The following GALNT13 variants were observed in gnomAD, a reference collection of about 807,000 sequenced individuals.
GALNT13 encodes the protein UDP-GalNAc:polypeptide N-acetylgalactosaminyltransferase 13.
In GALNT13, 28 loss-of-function variants were observed where a neutral mutation model predicts 64.2. The observed-to-expected ratio is 0.44, with a 90% CI of 0.32 to 0.60. GALNT13 has a LOEUF of 0.60. Among genes scored for constraint, GALNT13 ranks in the 20% least tolerant of loss-of-function variants. The pLI, the probability that GALNT13 is intolerant of heterozygous loss-of-function variation, is 0.05. For synonymous variants in GALNT13, 214 were observed against 224.6 expected (o/e 0.95, Z 0.42); for missense variants, 577 against 669.8 (o/e 0.86, Z 1.53).
chr2:153,698,699 G>A, the GALNT13 span, among the ~76,000 whole-genome samples: 1 of 152,052 alleles, frequency 6.6e-6, no homozygotes, highest in African/African-American at 2.4e-5. Context: ...AATTAACAAG[G>A]GTATTCAAGA....
At chr2:153,758,675 C>A in the GALNT13 span, among the ~76,000 whole-genome samples, 1 of 152,146 alleles carries the variant, frequency 6.6e-6, no homozygotes, top group Admixed American at 6.5e-5. Context: ...TCACTGCAAC[C>A]TCCACCTCCC....
At chr2:153,338,747 GTTTTGTCC>G in the GALNT13 span, among the ~76,000 whole-genome samples, 1 of 152,146 alleles carries the variant, frequency 6.6e-6, no homozygotes, top group African/African-American at 2.4e-5. Flanking sequence ...TAATTGAAAT[GTTTTGTCC>G]TTTGACCAAC....
the GALNT13 span, among the ~76,000 whole-genome samples, chr2:153,717,144 A>G: frequency 2.6e-5 from 4 of 152,240 alleles, no homozygotes; most frequent in Admixed American, 6.5e-5. Flanking sequence ...TATTCCCCCG[A>G]CATAAGAGCA....
chr2:153,928,385 T>G (rs1157350053), intron 2 of GALNT13, among the ~76,000 whole-genome samples: 1 of 152,162 alleles, frequency 6.6e-6, no homozygotes, highest in African/African-American at 2.4e-5. Flanking sequence ...GAAACATTTA[T>G]TTTCTTTTTA....
chr2:153,387,709 C>G, the GALNT13 span, among the ~76,000 whole-genome samples: 1 of 152,030 alleles, frequency 6.6e-6, no homozygotes, highest in Non-Finnish European at 1.5e-5. Context: ...GTAGCCCAAA[C>G]TGTAATTTGT....
At chr2:153,626,741 C>T in the GALNT13 span, among the ~76,000 whole-genome samples, 5 of 151,994 alleles carry the variant, frequency 3.3e-5, no homozygotes, top group Non-Finnish European at 7.4e-5. Context: ...TTTTGTACAG[C>T]CCTCAAGCCA....
At chr2:154,079,361 A>G (rs1701152639) in intron 3 of GALNT13, among the ~76,000 whole-genome samples, 1 of 151,704 alleles carries the variant, frequency 6.6e-6, no homozygotes, top group Non-Finnish European at 1.5e-5. Flanking sequence ...TGGCCTTTCA[A>G]TCTAGACAGG....
chr2:154,043,125 G>C (rs1235362903), intron 3 of GALNT13, among the ~76,000 whole-genome samples: 1 of 152,000 alleles, frequency 6.6e-6, no homozygotes. Context: ...AGTAGTCTTT[G>C]AAGAAAGTGA....
At chr2:154,272,625 A>G (rs1691415688) in intron 8 of GALNT13, among the ~76,000 whole-genome samples, 1 of 152,126 alleles carries the variant, frequency 6.6e-6, no homozygotes, top group African/African-American at 2.4e-5. Flanking sequence ...GAATTATTGA[A>G]CAGACAAGTT....
the GALNT13 span, among the ~76,000 whole-genome samples, chr2:153,575,944 G>T: frequency 6.6e-6 from 1 of 152,228 alleles, no homozygotes; most frequent in Middle Eastern, 3.4e-3. Context: ...CAGGGCCCAA[G>T]GGCTCTTCAG....
chr2:154,252,854 T>C (rs1230895216), intron 7 of GALNT13, among the ~76,000 whole-genome samples: 1 of 152,084 alleles, frequency 6.6e-6, no homozygotes, highest in African/African-American at 2.4e-5. Context: ...GACTTTTTTA[T>C]CCATGCTACC....
At chr2:153,584,014 G>A in the GALNT13 span, among the ~76,000 whole-genome samples, 2,745 of 152,256 alleles carry the variant, frequency 0.018, 83 homozygotes, top group African/African-American at 0.063. Context: ...ACAAACCATC[G>A]GCACTGACTG....
the GALNT13 span, among the ~76,000 whole-genome samples, chr2:153,409,298 G>GTA: frequency 9.5e-3 from 1,300 of 136,414 alleles, 15 homozygotes; most frequent in African/African-American, 0.031. Flanking sequence ...GAATATGTAT[G>GTA]TATATATATA....
chr2:153,242,753 C>T, the GALNT13 span, among the ~76,000 whole-genome samples: 16 of 152,060 alleles, frequency 1.1e-4, no homozygotes, highest in African/African-American at 3.6e-4. Flanking sequence ...ATCTTCTTGC[C>T]ACTGTTGATG....
At chr2:153,087,953 A>G in the GALNT13 span, among the ~76,000 whole-genome samples, 3 of 151,564 alleles carry the variant, frequency 2.0e-5, no homozygotes, top group African/African-American at 4.8e-5. Flanking sequence ...ATTTTTTTGT[A>G]TGAATTTCAT....
At chr2:154,435,280 C>T (rs571202383) in intron 11 of GALNT13, among the ~76,000 whole-genome samples, 22 of 149,620 alleles carry the variant, frequency 1.5e-4, no homozygotes, top group African/African-American at 4.6e-4. Context: ...AATCTTGTAT[C>T]GTGTAGTTAT....
At chr2:154,125,480 T>A (rs1035239471) in intron 3 of GALNT13, among the ~76,000 whole-genome samples, 4 of 152,208 alleles carry the variant, frequency 2.6e-5, no homozygotes, top group African/African-American at 9.6e-5. Context: ...TCTGAATAGT[T>A]ATAATTAAAT....
chr2:153,744,268 T>G, the GALNT13 span, among the ~76,000 whole-genome samples: 1 of 152,134 alleles, frequency 6.6e-6, no homozygotes, highest in African/African-American at 2.4e-5. Context: ...CTCTCTATAG[T>G]GGTTGTACTA....
chr2:154,380,495 A>G (rs183433686), intron 9 of GALNT13, among the ~76,000 whole-genome samples: 267 of 152,208 alleles, frequency 1.8e-3, no homozygotes, highest in Non-Finnish European at 2.5e-3. Context: ...TATATTAAGA[A>G]ATTAAATGAT....
Sources: gnomAD v4.1 joint callset for allele counts (sites outside exome capture counted in the v4.1 genomes callset) on GRCh38, gnomAD v4.1.1 for gene constraint, MANE v1.5 for transcripts, NCBI Gene and HGNC (gene_info 2026-07-23, HGNC 2026-07-21) for gene names.